TMEM116: variants seen among roughly 807,000 people sequenced by gnomAD.
TMEM116 encodes the protein transmembrane protein 116.
TMEM116 carries 38 observed loss-of-function variants against 44.3 expected under a neutral mutation model. The observed-to-expected ratio is 0.86, with a 90% confidence interval of 0.66 to 1.12. The LOEUF (loss-of-function observed/expected upper bound fraction) is 1.12, where lower values mean the gene tolerates loss of function less well. Among genes scored for constraint, TMEM116 ranks in the 50% most tolerant of loss-of-function variants. The probability of loss-of-function intolerance (pLI) is 0.00; values close to 1 mark genes in which losing one functional copy is unlikely to be tolerated. For missense variants in TMEM116, 354 were observed against 401.7 expected, an observed-to-expected ratio of 0.88 and a Z score of 1.01; for synonymous variants, 132 against 144.8, an observed-to-expected ratio of 0.91 and a Z score of 0.64.
chr12:111,993,740 G>T, intron 3 of TMEM116: 1 of 677,502 alleles, frequency 1.5e-6, no homozygotes, highest in East Asian at 2.9e-5. Context: ...AAGCCCTGTG[G>T]TGAATGTTCA....
At chr12:111,962,608 C>T (rs1332751964) in intron 4 of TMEM116, among the ~76,000 whole-genome samples, 2 of 152,140 alleles carry the variant, frequency 1.3e-5, no homozygotes, top group African/African-American at 4.8e-5. Flanking sequence ...AACTGGCTAG[C>T]CATGTGCAGA....
chr12:111,996,253 C>T (rs922576755), intron 3 of TMEM116, among the ~76,000 whole-genome samples: 1 of 151,584 alleles, frequency 6.6e-6, no homozygotes, highest in African/African-American at 2.4e-5. Flanking sequence ...TGTGTCAAGA[C>T]ACCATAAAGA....
At chr12:112,010,778 G>T (rs2077802381) in intron 1 of TMEM116, 1 of 152,324 alleles carries the variant, frequency 6.6e-6, no homozygotes, top group Non-Finnish European at 1.5e-5. Context: ...TTGGTCCTCT[G>T]GCAGTCCTCT....
intron 4 of TMEM116, among the ~76,000 whole-genome samples, chr12:111,953,248 A>G (rs1565892438): frequency 6.6e-6 from 1 of 152,204 alleles, no homozygotes; most frequent in African/African-American, 2.4e-5. Context: ...AGAGTTTGAC[A>G]CTAACTCCTA....
intron 4 of TMEM116, among the ~76,000 whole-genome samples, chr12:111,963,444 C>T (rs1389316032): frequency 6.6e-6 from 1 of 152,166 alleles, no homozygotes; most frequent in Non-Finnish European, 1.5e-5. Flanking sequence ...CAATGATAGA[C>T]TGGATAAAGA....
chr12:111,957,323 C>G (rs2074199606), intron 4 of TMEM116, among the ~76,000 whole-genome samples: 1 of 151,908 alleles, frequency 6.6e-6, no homozygotes, highest in Non-Finnish European at 1.5e-5. Flanking sequence ...CGCCGCCACC[C>G]CGTCTGGGAG....
chr12:111,966,533 A>G (rs1430297074), intron 4 of TMEM116, among the ~76,000 whole-genome samples: 1 of 152,178 alleles, frequency 6.6e-6, no homozygotes, highest in African/African-American at 2.4e-5. Context: ...AACTTGGAAT[A>G]GTTTCAGGAT....
At chr12:111,965,576 AT>A in intron 4 of TMEM116, 1 of 182,658 alleles carries the variant, frequency 5.5e-6, no homozygotes. Context: ...AATAGGAAGT[AT>A]TTTTAAACAG....
chr12:111,957,259 G>A lies in TMEM116; in HGVS notation c.211-13890C>T, dbSNP rs371040802. Among the ~76,000 whole-genome samples the A allele has an allele frequency of 4.6e-5, 7 of 152,074 alleles. No individual in the cohort carries two copies. In the South Asian group the frequency reaches 1.2e-3, roughly 27 times the overall value. On this transcript the variant is annotated intron_variant, in intron 4 of 10. Coordinates refer to ENST00000552374, the MANE Select transcript of TMEM116 (RefSeq NM_001193531.2). ...CCCGCCGCCCCATCTGAGATGTGAA[G>A]AGTGCCTCTGCCCGGCCATGATCCC...
At chr12:111,967,804 G>A (rs978385550) in intron 4 of TMEM116, among the ~76,000 whole-genome samples, 15 of 152,208 alleles carry the variant, frequency 9.9e-5, no homozygotes, top group East Asian at 9.6e-4. Context: ...GCAAGCAAAC[G>A]AAAATTAGAT....
chr12:112,005,741 GA>G (rs1464367711), intron 1 of TMEM116: 25 of 976,540 alleles, frequency 2.6e-5, no homozygotes, highest in Middle Eastern at 5.2e-4. Flanking sequence ...AATGTTGAGA[GA>G]GAATACAGAG....
intron 8 of TMEM116, chr12:111,934,240 T>G (rs2071933647): frequency 1.9e-6 from 1 of 529,490 alleles, no homozygotes; most frequent in Non-Finnish European, 3.3e-6. Context: ...AATGGACAGG[T>G]AACTAGCCAA....
chr12:111,956,898 A>G (rs989341188), intron 4 of TMEM116, among the ~76,000 whole-genome samples: 6 of 151,966 alleles, frequency 3.9e-5, no homozygotes, highest in Non-Finnish European at 7.4e-5. Context: ...TTGGCCTCCC[A>G]AAGTCCCAAG....
chr12:111,989,069 T>C (rs1426269154), intron 4 of TMEM116, among the ~76,000 whole-genome samples: 2 of 152,184 alleles, frequency 1.3e-5, no homozygotes, highest in Non-Finnish European at 2.9e-5. Flanking sequence ...AGCTCATCCC[T>C]GATTACAAGA....
chr12:111,959,197 C>A (rs1304236097), intron 4 of TMEM116, among the ~76,000 whole-genome samples: 1 of 152,196 alleles, frequency 6.6e-6, no homozygotes, highest in Non-Finnish European at 1.5e-5. Flanking sequence ...CAATATTCAA[C>A]ATTCTTAAAG....
rs746769384 is a variant in TMEM116, at chr12:111,937,158, A to G, written c.449+2T>C. The stretch of plus-strand genomic sequence containing the variant: ...AAAATTATACATTTAGTTCTTACTT[A>G]CTTGTGGCTCTGACTGAAGTTTTGG... On this transcript the variant is annotated splice_donor_variant, in intron 7 of 10. Coordinates refer to ENST00000552374, the MANE Select transcript of TMEM116 (RefSeq NM_001193531.2). LOFTEE classifies it high-confidence loss of function. 6.2e-7 allele frequency: 1 copy of G among 1,609,162 alleles called. No homozygotes were observed. The highest frequency in any genetic ancestry group is 8.5e-7 in the Non-Finnish European group (1 of 1,175,540).
intron 4 of TMEM116, chr12:111,978,818 C>T (rs927782984): frequency 2.3e-6 from 1 of 429,348 alleles, no homozygotes; most frequent in African/African-American, 2.0e-5. Flanking sequence ...TTGTTTAAGT[C>T]ACACATTGTA....
chr12:111,956,473 G>C (rs1319333379), intron 4 of TMEM116, among the ~76,000 whole-genome samples: 1 of 152,080 alleles, frequency 6.6e-6, no homozygotes, highest in Non-Finnish European at 1.5e-5. Context: ...CAGAAGAATA[G>C]CATCAACATC....
At position 111,937,262 on chromosome 12, in the gene TMEM116, A is replaced by G. The variant is rs762547158; in HGVS notation, c.366-19T>C. On this transcript the variant is annotated intron_variant, in intron 6 of 10. Coordinates refer to ENST00000552374, the MANE Select transcript of TMEM116 (RefSeq NM_001193531.2). Reference sequence around the variant, plus strand: ...TATCAGGCTGGGAGGGAAAAAAAGTATCACCCTAATATCCACTCTTTTTCA... The same window carrying G: ...TATCAGGCTGGGAGGGAAAAAAAGTGTCACCCTAATATCCACTCTTTTTCA... 6.3e-7 allele frequency: 1 copy of G among 1,589,974 alleles called. No individual in the cohort carries two copies. Among genetic ancestry groups the G allele is most frequent in the Non-Finnish European group, 8.6e-7 (1 of 1,158,452 alleles).
Sources: allele counts gnomAD v4.1 joint callset (sites outside exome capture counted in the v4.1 genomes callset), GRCh38; gene constraint gnomAD v4.1.1; transcripts MANE v1.5; gene names NCBI Gene and HGNC (gene_info 2026-07-23, HGNC 2026-07-21).